Variants in PPP3CA observed in about 807,000 individuals in gnomAD.
PPP3CA encodes the protein CAM-PRP catalytic subunit.
A neutral mutation model predicts 66.5 loss-of-function variants in PPP3CA; 14 were observed. The ratio of observed to expected loss-of-function variants is 0.21; its 90% CI spans 0.14 to 0.33. The LOEUF (loss-of-function observed/expected upper bound fraction) is 0.33. Among genes scored for constraint, PPP3CA ranks in the 10% least tolerant of loss-of-function variants. PPP3CA has a pLI of 1.00. For synonymous variants in PPP3CA, 232 were observed against 226.2 expected, an observed-to-expected ratio of 1.03 and a Z score of -0.23; for missense variants, 317 against 639.5, an observed-to-expected ratio of 0.50 and a Z score of 5.44.
In PPP3CA at chr4:101,236,432, G is replaced by A. The variant is rs184797877; in HGVS notation, c.59-40316C>T. Among the ~76,000 whole-genome samples, 15 of 152,044 alleles carry A rather than the reference G, an allele frequency of 9.9e-5. No individual in the cohort carries two copies. The East Asian group carries it at 2.9e-3, about 30-fold the overall frequency. ...AAAGTTGGTGAGGACACCATCTGTG[G>A]TTGGAGTGCTAGGCACCAAACTAAA... On this transcript the variant is annotated intron_variant, in intron 1 of 13. Transcript: ENST00000394854.
intron 2 of PPP3CA, among the ~76,000 whole-genome samples, chr4:101,125,955 T>C (rs894899156): frequency 2.6e-5 from 4 of 152,238 alleles, no homozygotes; most frequent in African/African-American, 9.6e-5. Context: ...TTTCTTTTCA[T>C]GGATATCTTT....
chr4:101,274,322 A>C (rs1056008886), intron 1 of PPP3CA, among the ~76,000 whole-genome samples: 8 of 152,334 alleles, frequency 5.3e-5, no homozygotes, highest in Admixed American at 3.9e-4. Flanking sequence ...AAAAATAAAT[A>C]AATAAAGGAG....
intron 1 of PPP3CA, among the ~76,000 whole-genome samples, chr4:101,237,984 A>G (rs1726180420): frequency 6.6e-6 from 1 of 152,028 alleles, no homozygotes; most frequent in Admixed American, 6.6e-5. Context: ...CTACCGCATC[A>G]AAGTTCAACT....
At position 101,299,106 on chromosome 4, in the gene PPP3CA, GTTTTTTTTTTTTTT is replaced by G. The variant is rs556244769; in HGVS notation, c.58+47619_58+47632del. On this transcript the variant is annotated intron_variant, in intron 1 of 13. Transcript: ENST00000394854. Reference sequence around the variant, plus strand: ...ATGTCAATATCAAGTGCCATATATCGTTTTTTTTTTTTTTTTTTTTTTTTTTGGTACAGAAGGGG... The same window carrying G: ...ATGTCAATATCAAGTGCCATATATCGTTTTTTTTTTTTGGTACAGAAGGGG... Among the ~76,000 whole-genome samples the G allele has an allele frequency of 1.6e-4, 14 of 85,536 alleles. No homozygotes were observed. The South Asian group carries it at 5.1e-3, about 31-fold the overall frequency. 56.1% of individuals were successfully genotyped at this position (85,536 alleles called of 152,430 possible).
chr4:101,346,977 C>T lies in PPP3CA; in HGVS notation c.-181G>A, dbSNP rs1730028787. The stretch of plus-strand genomic sequence containing the variant: ...GTTGCTGCCTTTTCCGCGCGTCCCT[C>T]CTCCGCCGCCGCCGCCTTCACTCCT... On this transcript the variant is annotated 5_prime_UTR_variant, in exon 1 of 14. Transcript: ENST00000394854. 1.5e-6 allele frequency: 1 copy of T among 664,616 alleles called. No individual in the cohort carries two copies. Among genetic ancestry groups the T allele is most frequent in the African/African-American group, 1.9e-5 (1 of 52,282 alleles). The allele number at this position is 664,616 out of a possible 1,614,324, so 41.2% of individuals were successfully genotyped here. A position where few individuals can be genotyped will look rare whatever the true frequency, so the allele number is the denominator to read the frequency against.
intron 1 of PPP3CA, among the ~76,000 whole-genome samples, chr4:101,199,241 G>T (rs1479845322): frequency 3.3e-5 from 5 of 152,178 alleles, no homozygotes; most frequent in East Asian, 1.9e-4. Context: ...TTAGACCAAA[G>T]AATCCAATCA....
intron 1 of PPP3CA, among the ~76,000 whole-genome samples, chr4:101,267,787 T>C (rs1361191259): frequency 2.0e-5 from 3 of 152,212 alleles, no homozygotes; most frequent in Non-Finnish European, 4.4e-5. Context: ...ATGAGATTTG[T>C]ATTGTGCAAG....
intron 3 of PPP3CA, among the ~76,000 whole-genome samples, chr4:101,107,152 T>C (rs1287797342): frequency 1.3e-5 from 2 of 152,262 alleles, no homozygotes; most frequent in African/African-American, 2.4e-5. Flanking sequence ...ATTTCCTTCC[T>C]AGCTAAAACT....
At position 101,308,579 on chromosome 4, in the gene PPP3CA, G is replaced by A. The variant is rs138563978; in HGVS notation, c.58+38160C>T. 4.6e-5 allele frequency among the ~76,000 whole-genome samples: 7 copies of A among 152,064 alleles called. No individual in the cohort carries two copies. The East Asian group carries it at 1.4e-3, about 29-fold the overall frequency. On this transcript the variant is annotated intron_variant, in intron 1 of 13. Transcript: ENST00000394854. ...TGCAGCTTCAGCCTCCCAAGTAGCT[G>A]GGATTACAGGCACCCACCACCATAC...
chr4:101,150,061 C>T (rs1723089554), intron 2 of PPP3CA, among the ~76,000 whole-genome samples: 1 of 152,068 alleles, frequency 6.6e-6, no homozygotes, highest in South Asian at 2.1e-4. Context: ...GACTTCTGGC[C>T]TACACTACCC....
At chr4:101,162,143 G>A (rs1723533975) in intron 2 of PPP3CA, among the ~76,000 whole-genome samples, 2 of 152,062 alleles carry the variant, frequency 1.3e-5, no homozygotes, top group South Asian at 2.1e-4. Context: ...GGGAGGCTGA[G>A]GGAGGAGAAC....
chr4:101,272,771 G>C (rs570074026), intron 1 of PPP3CA, among the ~76,000 whole-genome samples: 1 of 152,250 alleles, frequency 6.6e-6, no homozygotes, highest in South Asian at 2.1e-4. Context: ...ACTCTCTGTG[G>C]GTAGACTGTA....
intron 1 of PPP3CA, among the ~76,000 whole-genome samples, chr4:101,346,099 C>T (rs1288318226): frequency 2.6e-5 from 4 of 151,834 alleles, no homozygotes; most frequent in African/African-American, 4.8e-5. Flanking sequence ...CCAGCGACCG[C>T]CCCCGCCCCC....
At chr4:101,273,557 C>T (rs901652649) in intron 1 of PPP3CA, among the ~76,000 whole-genome samples, 2 of 152,178 alleles carry the variant, frequency 1.3e-5, no homozygotes, top group African/African-American at 4.8e-5. Context: ...GAACTCCTGA[C>T]CTTGTGATCT....
At chr4:101,176,905 A>C (rs1214171787) in intron 2 of PPP3CA, among the ~76,000 whole-genome samples, 1 of 152,106 alleles carries the variant, frequency 6.6e-6, no homozygotes, top group Non-Finnish European at 1.5e-5. Context: ...TTCCCTTTTC[A>C]CCATGCTTTT....
intron 1 of PPP3CA, among the ~76,000 whole-genome samples, chr4:101,245,508 T>C (rs1209710341): frequency 6.6e-6 from 1 of 152,200 alleles, no homozygotes; most frequent in Non-Finnish European, 1.5e-5. Flanking sequence ...ATTTACCTTT[T>C]ATCCTCTAAA....
At chr4:101,156,374 C>T (rs1314199796) in intron 2 of PPP3CA, among the ~76,000 whole-genome samples, 1 of 152,088 alleles carries the variant, frequency 6.6e-6, no homozygotes, top group Non-Finnish European at 1.5e-5. Context: ...GAATAAAGCA[C>T]AGCAATAGAA....
chr4:101,216,428 G>A (rs1390810744), intron 1 of PPP3CA, among the ~76,000 whole-genome samples: 1 of 152,214 alleles, frequency 6.6e-6, no homozygotes, highest in East Asian at 1.9e-4. Flanking sequence ...TTCACCAGCA[G>A]ATCACGAGAT....
At chr4:101,142,565 A>G (rs1177616041) in intron 2 of PPP3CA, among the ~76,000 whole-genome samples, 3 of 151,928 alleles carry the variant, frequency 2.0e-5, no homozygotes, top group African/African-American at 7.3e-5. Context: ...TACTCCACCC[A>G]CCCGCCCCAG....
Sources: allele counts gnomAD v4.1 joint callset (sites outside exome capture counted in the v4.1 genomes callset), GRCh38; gene constraint gnomAD v4.1.1; transcripts MANE v1.5; gene names NCBI Gene and HGNC (gene_info 2026-07-23, HGNC 2026-07-21).